NNT: variants seen among roughly 807,000 people sequenced by gnomAD.
NNT encodes NAD(P) transhydrogenase, mitochondrial.
Under a neutral mutation model 104.8 loss-of-function variants are expected in NNT, and 50 were observed. That is an observed-to-expected ratio of 0.48 (90% CI 0.38 to 0.60). The LOEUF (loss-of-function observed/expected upper bound fraction) is 0.60, where lower values mean the gene tolerates loss of function less well. Among genes scored for constraint, NNT ranks in the 20% least tolerant of loss-of-function variants. NNT has a pLI of 0.00. For missense variants in NNT, 1,131 were observed against 1,330.7 expected, an observed-to-expected ratio of 0.85 and a Z score of 2.33; for synonymous variants, 461 against 490.4, an observed-to-expected ratio of 0.94 and a Z score of 0.79.
At chr5:43,651,120 T>C (rs1490848942) in intron 12 of NNT, among the ~76,000 whole-genome samples, 1 of 152,268 alleles carries the variant, frequency 6.6e-6, no homozygotes, top group East Asian at 1.9e-4. Flanking sequence ...TAGGAAAAGA[T>C]ACCAATCTTT....
chr5:43,615,989 C>T lies in NNT; in HGVS notation c.523C>T (p.Leu175=). ...NKLSQRKTTV[L]AMDQVPRVTI... Reference sequence around the variant, plus strand: ...ACTTTCCCAAAGAAAAACTACAGTTCTGGCAATGGACCAGGTTCCAAGAGT... The same window carrying T: ...ACTTTCCCAAAGAAAAACTACAGTTTTGGCAATGGACCAGGTTCCAAGAGT... Residue 175 remains leucine, a synonymous_variant, in exon 4 of 22, where the codon CTG becomes TTG. Transcript: ENST00000344920. 6.2e-7 allele frequency: 1 copy of T among 1,614,144 alleles called. No homozygotes were observed. The highest frequency in any genetic ancestry group is 2.2e-5 in the East Asian group (1 of 44,882).
At chr5:43,631,556 T>C in intron 7 of NNT, among the ~76,000 whole-genome samples, 1 of 152,156 alleles carries the variant, frequency 6.6e-6, no homozygotes. Context: ...GTAAGCCATG[T>C]GGATAGGAAG....
In NNT at chr5:43,704,599, G is replaced by A; in HGVS notation, c.*195G>A. ...AATCCCTCAATTTTAAAAAAGGATTGAAAATTCTAAATGTCTTTCTGTGCA... is the reference window on the plus strand; with the variant it reads ...AATCCCTCAATTTTAAAAAAGGATTAAAAATTCTAAATGTCTTTCTGTGCA... On this transcript the variant is annotated 3_prime_UTR_variant, in exon 22 of 22. Transcript: ENST00000344920. 2.1e-6 allele frequency: 1 copy of A among 487,512 alleles called. No homozygotes were observed. The highest frequency in any genetic ancestry group is 5.1e-4 in the Middle Eastern group (1 of 1,972). 30.2% of individuals were successfully genotyped at this position (487,512 alleles called of 1,614,324 possible).
At position 43,612,926 on chromosome 5, in the gene NNT, T is replaced by C; in HGVS notation, c.170T>C (p.Leu57Pro). The change falls in exon 3 of 22, where the codon CTG becomes CCG. Residue 57 changes from leucine to proline, a missense_variant. Physicochemically the swap from Leu to Pro is moderately conservative, Grantham distance 98. Coordinates refer to ENST00000344920, the MANE Select transcript of NNT (RefSeq NM_182977.3). ...TTTCTAGGAATTCCATATAAGCAAC[T>C]GACTGTTGGAGTCCCCAAAGAGATA... ...PVKPGIPYKQ[L>P]TVGVPKEIFQ... The C allele has an allele frequency of 6.2e-7, 1 of 1,613,110 alleles. No individual in the cohort carries two copies. The highest frequency in any genetic ancestry group is 8.5e-7 in the Non-Finnish European group (1 of 1,179,268).
At chr5:43,665,141 C>T (rs1561302926) in intron 17 of NNT, among the ~76,000 whole-genome samples, 1 of 152,008 alleles carries the variant, frequency 6.6e-6, no homozygotes, top group Non-Finnish European at 1.5e-5. Flanking sequence ...CTGCTGTGAT[C>T]TTCTGCAGGA....
At chr5:43,611,096 C>T in intron 2 of NNT, among the ~76,000 whole-genome samples, 1 of 144,318 alleles carries the variant, frequency 6.9e-6, no homozygotes, top group Non-Finnish European at 1.5e-5. Flanking sequence ...CCCTCCCTGC[C>T]TCCCTCCCTC....
intron 15 of NNT, 138 bp downstream of exon 15, chr5:43,656,211 G>A: frequency 4.2e-6 from 3 of 717,738 alleles, no homozygotes; most frequent in East Asian, 2.7e-5. Context: ...GGAGGCTGAG[G>A]TGGGAGGCTC....
In NNT at chr5:43,612,927, G is replaced by T; in HGVS notation, c.171G>T (p.Leu57=). The T allele has an allele frequency of 6.2e-7, 1 of 1,612,914 alleles. No individual in the cohort carries two copies. Among genetic ancestry groups the T allele is most frequent in the Non-Finnish European group, 8.5e-7 (1 of 1,179,184 alleles). Residue 57 remains leucine (L), a synonymous_variant, in exon 3 of 22, where the codon CTG becomes CTT. Coordinates refer to ENST00000344920, the MANE Select transcript of NNT (RefSeq NM_182977.3). ...PVKPGIPYKQ[L]TVGVPKEIFQ... ...TTCTAGGAATTCCATATAAGCAACT[G>T]ACTGTTGGAGTCCCCAAAGAGATAT...
intron 11 of NNT, among the ~76,000 whole-genome samples, chr5:43,649,577 C>CTT (rs35437854): frequency 0.035 from 4,915 of 140,614 alleles, 126 homozygotes; most frequent in East Asian, 0.12. Context: ...AAGTTTGATC[C>CTT]TTTTTTTTTT....
chr5:43,670,333 G>T (rs910909744), intron 17 of NNT, among the ~76,000 whole-genome samples: 5 of 152,082 alleles, frequency 3.3e-5, no homozygotes, highest in African/African-American at 1.2e-4. Context: ...GCTTTTGAAT[G>T]TGTTTGCTCT....
At position 43,704,377 on chromosome 5, in the gene NNT, G is replaced by A. The variant is rs187756491; in HGVS notation, c.3234G>A (p.Ala1078=). The change falls in exon 22 of 22, where the codon GCG becomes GCA. Residue 1078 remains alanine, a synonymous_variant. Transcript: ENST00000344920. ...AGAAAACATGTGACGCGCTCCAGGC[G>A]AAAGTTAGAGAATCCTATCAGAAGT... is the stretch of plus-strand genomic sequence containing the variant. ...DAKKTCDALQ[A]KVRESYQK 43 of 1,613,680 alleles carry A rather than the reference G, an allele frequency of 2.7e-5. No homozygotes were observed. Among genetic ancestry groups the A allele is most frequent in the East Asian group, 1.8e-4 (8 of 44,846 alleles).
intron 5 of NNT, among the ~76,000 whole-genome samples, chr5:43,623,652 A>G (rs1750211598): frequency 1.3e-5 from 2 of 152,236 alleles, no homozygotes; most frequent in Admixed American, 6.5e-5. Flanking sequence ...GGGTAAAGGT[A>G]GTTAGAATGC....
At position 43,645,414 on chromosome 5, in the gene NNT, G is replaced by C; in HGVS notation, c.1348G>C (p.Val450Leu). 6.4e-7 allele frequency: 1 copy of C among 1,568,552 alleles called. No individual in the cohort carries two copies. The highest frequency in any genetic ancestry group is 1.2e-5 in the South Asian group (1 of 84,376). Residue 450 changes from valine (V) to leucine (L), a missense_variant, in exon 10 of 22, where the codon GTA becomes CTA. Coordinates refer to ENST00000344920, the MANE Select transcript of NNT (RefSeq NM_182977.3). ...TPKNIPQGAP[V>L]KQKTVAELEA... ...GAAAAATATTCCTCAAGGTGCCCCA[G>C]TAAAACAGAAGACAGTGGCTGAGCT... is the stretch of plus-strand genomic sequence containing the variant.
At chr5:43,669,410 T>C (rs1053308095) in intron 17 of NNT, among the ~76,000 whole-genome samples, 3 of 152,188 alleles carry the variant, frequency 2.0e-5, no homozygotes, top group Admixed American at 2.0e-4. Context: ...TAATATTGGC[T>C]GTGGGTTTGT....
chr5:43,685,524 A>G (rs1406582279), intron 19 of NNT, among the ~76,000 whole-genome samples: 1 of 152,160 alleles, frequency 6.6e-6, no homozygotes, highest in Non-Finnish European at 1.5e-5. Context: ...GTCACTATTT[A>G]TAATAGCAAG....
intron 2 of NNT, among the ~76,000 whole-genome samples, chr5:43,609,647 T>C (rs1749405657): frequency 1.3e-5 from 2 of 152,270 alleles, no homozygotes; most frequent in Non-Finnish European, 2.9e-5. Flanking sequence ...AAGCCCTTCC[T>C]AATTCCTTGT....
intron 6 of NNT, 101 bp downstream of exon 6, chr5:43,624,221 A>G: frequency 1.0e-6 from 1 of 954,006 alleles, no homozygotes; most frequent in Non-Finnish European, 1.7e-6. Context: ...GCACATTGCA[A>G]CTGGTCTATA....
intron 7 of NNT, among the ~76,000 whole-genome samples, chr5:43,639,229 T>C (rs1474482255): frequency 1.3e-5 from 2 of 152,190 alleles, no homozygotes; most frequent in African/African-American, 2.4e-5. Flanking sequence ...ACTTTCAAAA[T>C]TGCATCTTAG....
intron 1 of NNT, among the ~76,000 whole-genome samples, chr5:43,608,407 G>A (rs1393468189): frequency 1.9e-4 from 29 of 152,130 alleles, no homozygotes; most frequent in Admixed American, 1.8e-3. Flanking sequence ...GTGAGAACTC[G>A]CAAAAAGTGG....
Sources: gnomAD v4.1 joint callset for allele counts (sites outside exome capture counted in the v4.1 genomes callset) on GRCh38, gnomAD v4.1.1 for gene constraint, MANE v1.5 for transcripts, NCBI Gene and HGNC (gene_info 2026-07-23, HGNC 2026-07-21) for gene names.